The following ENPP2 variants were observed in gnomAD, a reference collection of about 807,000 sequenced individuals.
ENPP2 encodes autotaxin.
ENPP2 carries 51 observed loss-of-function variants against 120.2 expected under a neutral mutation model. The ratio of observed to expected loss-of-function variants is 0.42; its 90% CI spans 0.34 to 0.54. The LOEUF (loss-of-function observed/expected upper bound fraction) is 0.54. Among genes scored for constraint, ENPP2 ranks in the 20% least tolerant of loss-of-function variants. The pLI is 0.04. For missense variants in ENPP2, 920 were observed against 1,066.5 expected (o/e 0.86, Z 1.91); for synonymous variants, 365 against 366.4 (o/e 1.00, Z 0.04).
intron 20 of ENPP2, among the ~76,000 whole-genome samples, chr8:119,569,742 C>CTGTG (rs55992622): frequency 0.26 from 37,570 of 146,168 alleles, 5,052 homozygotes; most frequent in African/African-American, 0.34. Context: ...GACTATTTAT[C>CTGTG]TGTGTGTGTG....
At chr8:119,592,109 T>C (rs934289058) in intron 12 of ENPP2, among the ~76,000 whole-genome samples, 1 of 152,134 alleles carries the variant, frequency 6.6e-6, no homozygotes, top group Admixed American at 6.5e-5. Context: ...GTGTATAGTG[T>C]CAGATAGCTG....
In ENPP2 at chr8:119,638,760, G is replaced by C. The variant is rs1177007265; in HGVS notation, c.21C>G (p.Phe7Leu). 1 of 1,604,518 alleles carries C rather than the reference G, an allele frequency of 6.2e-7. No individual in the cohort carries two copies. Among genetic ancestry groups the C allele is most frequent in the African/African-American group, 1.3e-5 (1 of 74,852 alleles). Residue 7 changes from phenylalanine (F) to leucine (L), a missense_variant, in exon 1 of 25, where the codon TTC (phenylalanine) becomes TTG (leucine). Transcript: ENST00000075322. MARRSSFQSCQIISLFT... is the reference protein window; with the variant it reads MARRSSLQSCQIISLFT... ...TCCGTTCTCCCACCTGACACGACTG[G>C]AACGAGCTCCTCCTTGCCATGTCGA...
In ENPP2 at chr8:119,626,674, G is replaced by A. The variant is rs1816301141; in HGVS notation, c.183C>T (p.Gly61=). 2 of 1,613,962 alleles carry A rather than the reference G, an allele frequency of 1.2e-6. No homozygotes were observed. The highest frequency in any genetic ancestry group is 8.5e-7 in the Non-Finnish European group (1 of 1,179,948). ...CAGCCTCTTGAAGTTCAAAGCACCT[G>A]CCCTTGCAAGATCCGGAGATGTTGG... ...PWTNISGSCK[G]RCFELQEAGP... The change falls in exon 3 of 25, where the codon GGC becomes GGT. Residue 61 remains glycine, a synonymous_variant. Transcript: ENST00000075322.
chr8:119,569,134 C>G, intron 21 of ENPP2, 101 bp downstream of exon 21: 1 of 1,127,514 alleles, frequency 8.9e-7, no homozygotes, highest in Non-Finnish European at 1.3e-6. Context: ...CTTCTGAGCA[C>G]CCTCTCTTGA....
At chr8:119,670,181 G>A (rs1818199217) in intron 1 of ENPP2, among the ~76,000 whole-genome samples, 1 of 152,182 alleles carries the variant, frequency 6.6e-6, no homozygotes, top group African/African-American at 2.4e-5. Flanking sequence ...GTTAGGATAG[G>A]TGCAGTAGCA....
chr8:119,580,371 A>G (rs988144968), intron 18 of ENPP2: 1 of 590,820 alleles, frequency 1.7e-6, no homozygotes, highest in Admixed American at 3.1e-5. Context: ...TATGTTTGTA[A>G]GCACCTTCTT....
chr8:119,626,505 A>G (rs1055069429), intron 3 of ENPP2, 60 bp downstream of exon 3: 1 of 1,443,352 alleles, frequency 6.9e-7, no homozygotes, highest in Non-Finnish European at 9.7e-7. Flanking sequence ...GGATGCATAC[A>G]ATAGCAGGCA....
intron 1 of ENPP2, among the ~76,000 whole-genome samples, chr8:119,644,902 G>A (rs1158506082): frequency 6.6e-6 from 1 of 151,942 alleles, no homozygotes; most frequent in South Asian, 2.1e-4. Context: ...CAGAAGGGCT[G>A]AGTCGCTAGC....
chr8:119,557,790 C>T (rs1813584285), intron 24 of ENPP2, 99 bp from the exon 25 acceptor site: 2 of 993,162 alleles, frequency 2.0e-6, no homozygotes, highest in Non-Finnish European at 2.9e-6. Context: ...TCTGTGCACT[C>T]TTGCACACAG....
At chr8:119,613,841 T>C (rs1054493238) in intron 8 of ENPP2, among the ~76,000 whole-genome samples, 4 of 152,118 alleles carry the variant, frequency 2.6e-5, no homozygotes, top group African/African-American at 9.7e-5. Context: ...GTAATTACCA[T>C]ATCCATAACT....
chr8:119,668,355 C>A (rs191030155), intron 1 of ENPP2, among the ~76,000 whole-genome samples: 2 of 151,598 alleles, frequency 1.3e-5, no homozygotes, highest in South Asian at 4.2e-4. Flanking sequence ...ATGGTCTGAA[C>A]AATACAGAGT....
At chr8:119,568,284 G>T in intron 21 of ENPP2, 32 bp from the exon 22 acceptor site, 1 of 1,240,380 alleles carries the variant, frequency 8.1e-7, no homozygotes, top group Non-Finnish European at 1.2e-6. Flanking sequence ...AGTATACGTT[G>T]CTTACCAAAA....
rs975137951 is a variant in ENPP2 at position 119,591,018 on chromosome 8, C to G, written c.1082-388G>C. The stretch of plus-strand genomic sequence containing the variant: ...TTTAAAAAAAAAAAAAAAAAAAAAC[C>G]CTAGGTTGCATCAAACTCTTCCCAG... On this transcript the variant is annotated intron_variant, in intron 12 of 24. Coordinates refer to ENST00000075322, the MANE Select transcript of ENPP2 (RefSeq NM_001040092.3). Among the ~76,000 whole-genome samples the G allele has an allele frequency of 4.9e-5, 4 of 81,920 alleles. No homozygotes were observed. In the East Asian group the frequency reaches 1.6e-3, roughly 32 times the overall value. 53.7% of individuals were successfully genotyped at this position (81,920 alleles called of 152,430 possible). A position where few individuals can be genotyped will look rare whatever the true frequency, so the allele number is the denominator to read the frequency against.
rs371783576 is a variant in ENPP2, at chr8:119,570,689, C to T, written c.1917+16G>A. The stretch of plus-strand genomic sequence containing the variant: ...GTAATAAAATAAAAAATATAAAATC[C>T]AATTTTCTCAATGACCTGTTTGGAA... On this transcript the variant is annotated intron_variant, in intron 20 of 24. Coordinates refer to ENST00000075322, the MANE Select transcript of ENPP2 (RefSeq NM_001040092.3). The T allele has an allele frequency of 6.2e-6, 9 of 1,443,906 alleles. No individual in the cohort carries two copies. The African/African-American group carries it at 1.2e-4, about 19-fold the overall frequency. The allele number at this position is 1,443,906 out of a possible 1,614,324, so 89.4% of individuals were successfully genotyped here.
At chr8:119,625,784 A>G (rs1187751842) in intron 3 of ENPP2, among the ~76,000 whole-genome samples, 1 of 152,218 alleles carries the variant, frequency 6.6e-6, no homozygotes, top group East Asian at 1.9e-4. Flanking sequence ...GGATGGCAGA[A>G]GTCCCCAGAG....
At chr8:119,641,303 C>A (rs532686285), upstream of ENPP2, among the ~76,000 whole-genome samples, 2 of 148,662 alleles carry the variant, frequency 1.3e-5, no homozygotes, top group Admixed American at 6.7e-5. Context: ...AATTATCCCT[C>A]ATTACCTAAA....
chr8:119,642,443 A>G (rs1817311210), upstream of ENPP2, among the ~76,000 whole-genome samples: 1 of 152,206 alleles, frequency 6.6e-6, no homozygotes, highest in Non-Finnish European at 1.5e-5. Context: ...TGGTTGACAT[A>G]AAGCCTTTGT....
chr8:119,584,100 T>C (rs1812941420), intron 15 of ENPP2, 51 bp from the exon 16 acceptor site: 2 of 1,279,286 alleles, frequency 1.6e-6, no homozygotes, highest in Non-Finnish European at 1.1e-6. Context: ...GAAATTACTT[T>C]GATAAAAAGG....
At chr8:119,568,622 A>G (rs1814689968) in intron 21 of ENPP2, among the ~76,000 whole-genome samples, 5 of 151,676 alleles carry the variant, frequency 3.3e-5, no homozygotes, top group African/African-American at 1.2e-4. Context: ...TTTTTTAAAT[A>G]TGGAATCTTG....
Sources: allele counts gnomAD v4.1 joint callset (sites outside exome capture counted in the v4.1 genomes callset), GRCh38; gene constraint gnomAD v4.1.1; transcripts MANE v1.5; gene names NCBI Gene and HGNC (gene_info 2026-07-23, HGNC 2026-07-21).